Variants in RYR2 observed in about 807,000 individuals in gnomAD.
RYR2 encodes the protein ryanodine receptor 2.
In RYR2, 227 loss-of-function variants were observed where a neutral mutation model predicts 601.1. The ratio of observed to expected loss-of-function variants is 0.38; its 90% CI spans 0.34 to 0.42. The LOEUF is 0.42. RYR2 is among the 10% of genes least tolerant of loss of function. The pLI, the probability that RYR2 is intolerant of heterozygous loss-of-function variation, is 1.00. For synonymous variants in RYR2, 2,223 were observed against 2,175.1 expected (o/e 1.02, Z -0.61); for missense variants, 4,646 against 6,156.5 (o/e 0.75, Z 8.21).
intron 1 of RYR2, among the ~76,000 whole-genome samples, chr1:237,142,258 T>C (rs1260979023): frequency 6.6e-6 from 1 of 152,226 alleles, no homozygotes; most frequent in East Asian, 1.9e-4. Flanking sequence ...GTTCTTATGC[T>C]GAAGAGTTTG....
At chr1:237,361,793 T>A (rs1228836706) in intron 4 of RYR2, among the ~76,000 whole-genome samples, 2 of 152,236 alleles carry the variant, frequency 1.3e-5, no homozygotes, top group East Asian at 3.8e-4. Context: ...CCTGAATTAT[T>A]GTTTCCTTCT....
intron 1 of RYR2, among the ~76,000 whole-genome samples, chr1:237,178,652 A>G (rs1678353387): frequency 1.3e-5 from 2 of 152,080 alleles, no homozygotes; most frequent in Non-Finnish European, 2.9e-5. Context: ...ACAAAAAAAT[A>G]TAAAAAATTA....
Position 237,761,088 on chromosome 1 carries a change from A to G in RYR2, c.11476+60A>G, listed in dbSNP as rs370218530. On this transcript the variant is annotated intron_variant, in intron 84 of 104. Transcript: ENST00000366574. ...TCCCTTCCCTCCCTGAAACGAGTCA[A>G]TTATCAATTACCTTTCAAGTAGAGA... is the stretch of plus-strand genomic sequence containing the variant. 2,454 of 912,326 alleles carry G rather than the reference A, an allele frequency of 2.7e-3. 13 individuals carry two copies. Among genetic ancestry groups the G allele is most frequent in the Non-Finnish European group, 2.9e-3 (1,649 of 572,822 alleles). The allele number at this position is 912,326 out of a possible 1,614,324, so 56.5% of individuals were successfully genotyped here.
At chr1:237,138,327 C>A (rs1007566751) in intron 1 of RYR2, among the ~76,000 whole-genome samples, 3 of 152,162 alleles carry the variant, frequency 2.0e-5, no homozygotes, top group Non-Finnish European at 4.4e-5. Flanking sequence ...GCCACCATGC[C>A]CATCCTGGAT....
intron 66 of RYR2, among the ~76,000 whole-genome samples, chr1:237,704,691 C>CT (rs1688227725): frequency 6.6e-6 from 1 of 150,908 alleles, no homozygotes. Flanking sequence ...TTTTTTAAGT[C>CT]TTTTTTGTGC....
rs546192259 is a variant in RYR2, at chr1:237,358,729, T to C, written c.294+2744T>C. 2.2e-4 allele frequency among the ~76,000 whole-genome samples: 33 copies of C among 152,044 alleles called. 1 individual carries two copies. Among genetic ancestry groups the C allele is most frequent in the African/African-American group, 7.5e-4 (31 of 41,480 alleles). The stretch of plus-strand genomic sequence containing the variant: ...CTTCCCAGTTGCAGCCCTGTAGGAC[T>C]ACACCCAGCCTTTTGCCTCTCAATC... On this transcript the variant is annotated intron_variant, in intron 4 of 104. Transcript: ENST00000366574.
intron 84 of RYR2, among the ~76,000 whole-genome samples, chr1:237,766,433 A>T (rs1693854355): frequency 1.3e-5 from 2 of 152,192 alleles, no homozygotes; most frequent in African/African-American, 4.8e-5. Context: ...GCAGTGGGAG[A>T]GCTCTGAGTT....
At chr1:237,797,899 G>A (rs1659446667) in intron 96 of RYR2, 138 bp from the exon 97 acceptor site, 1 of 724,100 alleles carries the variant, frequency 1.4e-6, no homozygotes, top group South Asian at 2.1e-5. Flanking sequence ...CACAGAAGGT[G>A]AGCCACACAC....
At chr1:237,084,950 C>T (rs1447056768) in intron 1 of RYR2, among the ~76,000 whole-genome samples, 1 of 152,142 alleles carries the variant, frequency 6.6e-6, no homozygotes, top group Non-Finnish European at 1.5e-5. Context: ...CTGTATTCCC[C>T]CAAATGCTGA....
intron 8 of RYR2, among the ~76,000 whole-genome samples, 185 bp from the exon 9 acceptor site, chr1:237,387,096 C>T (rs1161191906): frequency 6.6e-6 from 1 of 152,166 alleles, no homozygotes; most frequent in Non-Finnish European, 1.5e-5. Context: ...GTTTAAAAAT[C>T]CGTAAATTCA....
chr1:237,193,160 A>G (rs1341622579), intron 1 of RYR2, among the ~76,000 whole-genome samples: 1 of 136,960 alleles, frequency 7.3e-6, no homozygotes, highest in Non-Finnish European at 1.6e-5. Flanking sequence ...CGTCTCTGCT[A>G]AAAGTACAAA....
chr1:237,659,373 C>T (rs1683555689), intron 54 of RYR2, among the ~76,000 whole-genome samples: 1 of 152,120 alleles, frequency 6.6e-6, no homozygotes, highest in South Asian at 2.1e-4. Flanking sequence ...AGTCTAATTA[C>T]TCAGATTCTG....
intron 11 of RYR2, among the ~76,000 whole-genome samples, chr1:237,422,342 C>G (rs2150054144): frequency 6.6e-6 from 1 of 152,272 alleles, no homozygotes; most frequent in East Asian, 1.9e-4. Flanking sequence ...TCCATCATCT[C>G]AAACGTTTAT....
chr1:237,783,467 A>C (rs112499041), intron 89 of RYR2, among the ~76,000 whole-genome samples: 5 of 152,324 alleles, frequency 3.3e-5, no homozygotes, highest in African/African-American at 9.6e-5. Flanking sequence ...TATGTGTGTC[A>C]GTCTAATTGC....
chr1:237,692,835 G>A (rs1008387786), intron 63 of RYR2, among the ~76,000 whole-genome samples: 3 of 152,100 alleles, frequency 2.0e-5, no homozygotes, highest in Non-Finnish European at 2.9e-5. Context: ...CTCTGGTGCC[G>A]TGTACTTTTC....
intron 19 of RYR2, among the ~76,000 whole-genome samples, chr1:237,494,534 G>A (rs1326802414): frequency 2.6e-5 from 4 of 152,182 alleles, no homozygotes; most frequent in South Asian, 2.1e-4. Context: ...TGTTAATCTC[G>A]TTTGGCAACC....
intron 100 of RYR2, among the ~76,000 whole-genome samples, chr1:237,817,589 G>T (rs747970868): frequency 6.6e-6 from 1 of 152,140 alleles, no homozygotes; most frequent in Non-Finnish European, 1.5e-5. Flanking sequence ...AAAGATCCAG[G>T]CTGGAAATAG....
At chr1:237,806,792 A>G (rs1660677522) in intron 99 of RYR2, among the ~76,000 whole-genome samples, 1 of 152,202 alleles carries the variant, frequency 6.6e-6, no homozygotes, top group East Asian at 1.9e-4. Flanking sequence ...ATAACGTTTC[A>G]TATTTGACAA....
At chr1:237,671,328 G>A (rs1252249218) in intron 58 of RYR2, among the ~76,000 whole-genome samples, 2 of 152,248 alleles carry the variant, frequency 1.3e-5, no homozygotes, top group East Asian at 1.9e-4. Flanking sequence ...CAGTTTCAGA[G>A]CAGAAACGAC....
Sources: gnomAD v4.1 joint callset for allele counts (sites outside exome capture counted in the v4.1 genomes callset) on GRCh38, gnomAD v4.1.1 for gene constraint, MANE v1.5 for transcripts, NCBI Gene and HGNC (gene_info 2026-07-23, HGNC 2026-07-21) for gene names.